The following VWA8 variants were observed in gnomAD, a reference collection of about 807,000 sequenced individuals.
VWA8 encodes the protein von Willebrand factor A domain containing 8, also known as von Willebrand factor A domain-containing protein 8.
In VWA8, 221 loss-of-function variants were observed where a neutral mutation model predicts 241.5. The ratio of observed to expected loss-of-function variants is 0.91; its 90% CI spans 0.82 to 1.02. The LOEUF (loss-of-function observed/expected upper bound fraction) is 1.02, where lower values mean the gene tolerates loss of function less well. Among genes scored for constraint, VWA8 ranks in the 50% least tolerant of loss-of-function variants. The pLI, the probability that VWA8 is intolerant of heterozygous loss-of-function variation, is 0.00. For missense variants in VWA8, 2,322 were observed against 2,328.7 expected (o/e 1.00, Z 0.06); for synonymous variants, 852 against 827.1 (o/e 1.03, Z -0.52).
intron 16 of VWA8, among the ~76,000 whole-genome samples, chr13:41,811,595 G>A (rs918742116): frequency 6.6e-6 from 1 of 152,160 alleles, no homozygotes; most frequent in Non-Finnish European, 1.5e-5. Context: ...CTAAGTTGGA[G>A]ATGGGAGGGG....
chr13:41,881,553 T>C (rs1031578965), intron 9 of VWA8, among the ~76,000 whole-genome samples: 5 of 149,458 alleles, frequency 3.3e-5, no homozygotes, highest in African/African-American at 4.9e-5. Context: ...ATTGTCATCA[T>C]GGCCCGTTCT....
intron 18 of VWA8, 64 bp from the exon 19 acceptor site, chr13:41,783,965 C>A: frequency 1.6e-6 from 2 of 1,213,752 alleles, no homozygotes. Context: ...CCAAGCCACC[C>A]AACACAGAAT....
chr13:41,787,340 G>A, intron 18 of VWA8, 97 bp downstream of exon 18: 1 of 996,574 alleles, frequency 1.0e-6, no homozygotes. Context: ...ACCAAAAACT[G>A]TTTAACTGTT....
At chr13:41,944,304 A>G (rs1487698141) in intron 2 of VWA8, among the ~76,000 whole-genome samples, 4 of 152,000 alleles carry the variant, frequency 2.6e-5, no homozygotes, top group African/African-American at 9.7e-5. Context: ...GCATTTATGT[A>G]AGAAAAGGGG....
intron 3 of VWA8, among the ~76,000 whole-genome samples, chr13:41,908,703 T>A (rs931255066): frequency 1.3e-5 from 2 of 152,340 alleles, no homozygotes; most frequent in East Asian, 3.9e-4. Flanking sequence ...TGTTTCAAGA[T>A]AATTTATCCA....
Position 41,726,773 on chromosome 13 carries a change from T to A in VWA8, c.2758+421A>T, listed in dbSNP as rs367894322. On this transcript the variant is annotated intron_variant, in intron 24 of 44. Transcript: ENST00000379310. ...ACTTTGGGAAGCCGAGGCAGGTGGATCACATGAGGTCAGGAGTTCGAGACC... is the reference window on the plus strand; with the variant it reads ...ACTTTGGGAAGCCGAGGCAGGTGGAACACATGAGGTCAGGAGTTCGAGACC... Among the ~76,000 whole-genome samples the A allele has an allele frequency of 9.2e-5, 14 of 152,162 alleles. No homozygotes were observed. In the East Asian group the frequency reaches 2.1e-3, roughly 23 times the overall value.
chr13:41,637,649 G>A (rs368623022), intron 37 of VWA8, among the ~76,000 whole-genome samples: 3 of 152,022 alleles, frequency 2.0e-5, no homozygotes, highest in Admixed American at 1.3e-4. Flanking sequence ...TTGTGTTACC[G>A]ATTCACCAGT....
In VWA8 at chr13:41,682,802, G is replaced by A. The variant is rs1264659221; in HGVS notation, c.4327+2245C>T. Among the ~76,000 whole-genome samples, 3 of 152,028 alleles carry A rather than the reference G, an allele frequency of 2.0e-5. No homozygotes were observed. In the East Asian group the frequency reaches 5.8e-4, roughly 29 times the overall value. On this transcript the variant is annotated intron_variant, in intron 35 of 44. Coordinates refer to ENST00000379310, the MANE Select transcript of VWA8 (RefSeq NM_015058.2). ...TCATTAATAAGAAAATAAATAACCC[G>A]ATTTAAAAATGGGCAAAAGATCTGA...
chr13:41,891,336 CA>C lies in VWA8; in HGVS notation c.651+83del. 2 of 1,531,384 alleles carry C rather than the reference CA, an allele frequency of 1.3e-6. 1 individual carries two copies. The highest frequency in any genetic ancestry group is 2.5e-5 in the South Asian group (2 of 80,674). The allele number at this position is 1,531,384 out of a possible 1,614,324, so 94.9% of individuals were successfully genotyped here. A position where few individuals can be genotyped will look rare whatever the true frequency, so the allele number is the denominator to read the frequency against. ...GCCATCTGAACATCTGTCCTGATTC[CA>C]ACAGAGCCATGTCTTACACAATAAA... is the stretch of plus-strand genomic sequence containing the variant. On this transcript the variant is annotated intron_variant, in intron 5 of 44. Coordinates refer to ENST00000379310, the MANE Select transcript of VWA8 (RefSeq NM_015058.2).
At chr13:41,658,500 G>A (rs1428521053) in intron 37 of VWA8, among the ~76,000 whole-genome samples, 2 of 152,260 alleles carry the variant, frequency 1.3e-5, no homozygotes, top group Non-Finnish European at 2.9e-5. Flanking sequence ...ACACAGTCAC[G>A]ATTACCTCAC....
intron 26 of VWA8, among the ~76,000 whole-genome samples, chr13:41,708,198 A>C (rs928760725): frequency 1.3e-5 from 2 of 152,088 alleles, no homozygotes; most frequent in Non-Finnish European, 2.9e-5. Flanking sequence ...TCTCTACCAC[A>C]AATGCAAAAA....
intron 38 of VWA8, among the ~76,000 whole-genome samples, chr13:41,613,378 GA>G (rs1355284521): frequency 6.6e-6 from 1 of 152,228 alleles, no homozygotes; most frequent in Non-Finnish European, 1.5e-5. Flanking sequence ...CCAATAGGCA[GA>G]GGGGTACAGT....
chr13:41,886,110 T>C (rs1874522073), intron 7 of VWA8, 82 bp from the exon 8 acceptor site: 1 of 916,368 alleles, frequency 1.1e-6, no homozygotes, highest in Admixed American at 3.3e-5. Flanking sequence ...CAGGGGCCAA[T>C]TTAATTAATC....
intron 12 of VWA8, among the ~76,000 whole-genome samples, chr13:41,863,645 A>T (rs751363220): frequency 4.6e-5 from 7 of 151,780 alleles, no homozygotes; most frequent in Non-Finnish European, 1.0e-4. Context: ...TGCAGCCATA[A>T]AAAGGAAGAA....
In VWA8 at chr13:41,719,656, A is replaced by C; in HGVS notation, c.3051T>G (p.Ile1017Met). Reference sequence around the variant, plus strand: ...GTATCCCGTATTTGTGTAAAGTGTTAATCAATATCTCCCTCATGTCATTGT... The same window carrying C: ...GTATCCCGTATTTGTGTAAAGTGTTCATCAATATCTCCCTCATGTCATTGT... ...SYNNDMREIL[I>M]NTLHKYGIPI... is the part of the protein sequence containing the mutation. The change falls in exon 26 of 45, where the codon ATT becomes ATG. Residue 1017 changes from isoleucine to methionine, a missense_variant. Ile to Met is a conservative substitution (Grantham distance 10, BLOSUM62 1). Transcript: ENST00000379310. The C allele has an allele frequency of 6.2e-7, 1 of 1,613,240 alleles. No individual in the cohort carries two copies. The highest frequency in any genetic ancestry group is 8.5e-7 in the Non-Finnish European group (1 of 1,179,438).
intron 9 of VWA8, among the ~76,000 whole-genome samples, chr13:41,880,752 A>C (rs1174659314): frequency 6.6e-6 from 1 of 152,168 alleles, no homozygotes; most frequent in East Asian, 1.9e-4. Context: ...AATTCCCCAG[A>C]AATGGGGAAT....
intron 2 of VWA8, among the ~76,000 whole-genome samples, chr13:41,936,612 G>A (rs1268105769): frequency 2.0e-5 from 3 of 152,216 alleles, no homozygotes; most frequent in East Asian, 3.9e-4. Flanking sequence ...GGGAGTAGAG[G>A]GCATTGGGGA....
chr13:41,893,084 A>C (rs1159183579), intron 4 of VWA8, among the ~76,000 whole-genome samples: 1 of 152,210 alleles, frequency 6.6e-6, no homozygotes, highest in African/African-American at 2.4e-5. Flanking sequence ...TTTTCCCTAT[A>C]GTAATTGTCC....
At chr13:41,596,821 ACACACACACAC>A (rs2044491594) in intron 40 of VWA8, among the ~76,000 whole-genome samples, 1 of 151,322 alleles carries the variant, frequency 6.6e-6, no homozygotes, top group South Asian at 2.1e-4. Context: ...ACACACACAC[ACACACACACAC>A]ATCTGTAGCA....
Sources: allele counts gnomAD v4.1 joint callset (sites outside exome capture counted in the v4.1 genomes callset), GRCh38; gene constraint gnomAD v4.1.1; transcripts MANE v1.5; gene names NCBI Gene and HGNC (gene_info 2026-07-23, HGNC 2026-07-21).